The following NEK6 variants were observed in gnomAD, a reference collection of about 807,000 sequenced individuals.
NEK6 encodes the protein serine/threonine-protein kinase Nek6.
Under a neutral mutation model 43.5 loss-of-function variants are expected in NEK6, and 27 were observed. The observed-to-expected ratio is 0.62, with a 90% CI of 0.46 to 0.86. The LOEUF (loss-of-function observed/expected upper bound fraction) is 0.86, where lower values mean the gene tolerates loss of function less well. Ranked by LOEUF, NEK6 falls within the 40% of genes least tolerant of loss-of-function variation. The probability of loss-of-function intolerance (pLI) is 0.00; values close to 1 mark genes in which losing one functional copy is unlikely to be tolerated. For synonymous variants in NEK6, 167 were observed against 164.1 expected (o/e 1.02, Z -0.14); for missense variants, 318 against 414.4 (o/e 0.77, Z 2.02).
chr9:124,340,585 G>A (rs1163181083), intron 8 of NEK6, among the ~76,000 whole-genome samples: 1 of 152,244 alleles, frequency 6.6e-6, no homozygotes, highest in Non-Finnish European at 1.5e-5. Context: ...AACCCCCCCA[G>A]GCTGTTAGAC....
intron 1 of NEK6, among the ~76,000 whole-genome samples, chr9:124,283,352 A>T (rs549824284): frequency 4.6e-5 from 7 of 152,214 alleles, no homozygotes; most frequent in African/African-American, 1.7e-4. Context: ...AGGAGAATCT[A>T]TAGGCATTTC....
intron 4 of NEK6, among the ~76,000 whole-genome samples, chr9:124,316,123 C>T (rs73666860): frequency 0.015 from 2,332 of 152,316 alleles, 54 homozygotes; most frequent in African/African-American, 0.052. Flanking sequence ...TGCCAGGGCA[C>T]GAGGTGCTTC....
At chr9:124,263,368 C>T (rs896123234) in intron 1 of NEK6, among the ~76,000 whole-genome samples, 5 of 152,194 alleles carry the variant, frequency 3.3e-5, no homozygotes, top group South Asian at 2.1e-4. Flanking sequence ...GAGCCTGAGC[C>T]TGGGCACCCG....
intron 7 of NEK6, among the ~76,000 whole-genome samples, chr9:124,329,954 A>G (rs746316469): frequency 2.0e-5 from 3 of 152,218 alleles, no homozygotes; most frequent in African/African-American, 4.8e-5. Flanking sequence ...ATGTGCACCT[A>G]CTATGTGGGG....
intron 1 of NEK6, among the ~76,000 whole-genome samples, chr9:124,296,414 G>T (rs1832691652): frequency 6.6e-6 from 1 of 152,140 alleles, no homozygotes; most frequent in African/African-American, 2.4e-5. Context: ...GCCAGGAGTG[G>T]GTTCTCCCTG....
chr9:124,316,578 C>T (rs1263519553), intron 4 of NEK6, among the ~76,000 whole-genome samples: 1 of 152,190 alleles, frequency 6.6e-6, no homozygotes, highest in Non-Finnish European at 1.5e-5. Flanking sequence ...CTTCCAGACC[C>T]ACCTGGGCCC....
chr9:124,307,192 T>C (rs1833296749), intron 2 of NEK6, among the ~76,000 whole-genome samples: 1 of 151,960 alleles, frequency 6.6e-6, no homozygotes, highest in Non-Finnish European at 1.5e-5. Flanking sequence ...TAAACTCAAA[T>C]TAGCGCAGGG....
chr9:124,321,236 T>C (rs1834051603), intron 4 of NEK6, among the ~76,000 whole-genome samples: 1 of 152,242 alleles, frequency 6.6e-6, no homozygotes, highest in South Asian at 2.1e-4. Context: ...ATGCCAGTTT[T>C]ACAGATGAGG....
At chr9:124,289,663 T>C (rs1390870765) in intron 1 of NEK6, among the ~76,000 whole-genome samples, 1 of 152,166 alleles carries the variant, frequency 6.6e-6, no homozygotes, top group Non-Finnish European at 1.5e-5. Context: ...ACCGAAAAGA[T>C]CTGGTTTTCT....
chr9:124,338,717 T>A lies in NEK6; in HGVS notation c.623-854T>A, dbSNP rs865947038. 6.6e-5 allele frequency among the ~76,000 whole-genome samples: 10 copies of A among 152,286 alleles called. No individual in the cohort carries two copies. The South Asian group carries it at 1.2e-3, about 19-fold the overall frequency. On this transcript the variant is annotated intron_variant, in intron 7 of 9. Transcript: ENST00000320246. Reference sequence around the variant, plus strand: ...CCTGAGGGTCTGGGTTTGAACTAATTCCTGCCACTCTCGTGCAAACCTCTT... The same window carrying A: ...CCTGAGGGTCTGGGTTTGAACTAATACCTGCCACTCTCGTGCAAACCTCTT...
intron 1 of NEK6, among the ~76,000 whole-genome samples, chr9:124,287,866 C>T (rs947278119): frequency 6.6e-6 from 1 of 152,130 alleles, no homozygotes; most frequent in African/African-American, 2.4e-5. Context: ...GTCATTTCAC[C>T]CTCTGGAACC....
At chr9:124,335,791 A>C (rs1829261657) in intron 7 of NEK6, among the ~76,000 whole-genome samples, 1 of 152,266 alleles carries the variant, frequency 6.6e-6, no homozygotes, top group Non-Finnish European at 1.5e-5. Flanking sequence ...ACTGCGAGGT[A>C]GTTCTTCATC....
Position 124,257,981 on chromosome 9 carries a change from G to C in NEK6, c.-134G>C. The C allele has an allele frequency of 1.0e-6, 1 of 979,020 alleles. No individual in the cohort carries two copies. Among genetic ancestry groups the C allele is most frequent in the South Asian group, 4.7e-5 (1 of 21,276 alleles). The allele number at this position is 979,020 out of a possible 1,614,324, so 60.6% of individuals were successfully genotyped here. On this transcript the variant is annotated 5_prime_UTR_variant, in exon 1 of 10. Coordinates refer to ENST00000320246, the MANE Select transcript of NEK6 (RefSeq NM_014397.6). ...CGGCGGCGGCGGAACCGAGCTGACG[G>C]GCGTGCGGCCGCTGCGCCGCAAACT...
chr9:124,290,391 G>A (rs1372733410), intron 1 of NEK6, among the ~76,000 whole-genome samples: 2 of 152,242 alleles, frequency 1.3e-5, no homozygotes, highest in Non-Finnish European at 2.9e-5. Context: ...CGCCCCCAAG[G>A]GTGCTGGCAC....
intron 8 of NEK6, among the ~76,000 whole-genome samples, chr9:124,341,070 C>T (rs1031874426): frequency 6.6e-6 from 1 of 152,152 alleles, no homozygotes; most frequent in African/African-American, 2.4e-5. Flanking sequence ...GAGACAGAGT[C>T]TCACTCTTGT....
intron 1 of NEK6, among the ~76,000 whole-genome samples, chr9:124,269,065 G>A (rs1273957171): frequency 2.0e-5 from 3 of 152,184 alleles, no homozygotes; most frequent in Non-Finnish European, 4.4e-5. Flanking sequence ...GACAAAAACA[G>A]TGGCTGACAT....
chr9:124,312,705 T>C lies in NEK6; in HGVS notation c.231+56T>C, dbSNP rs530306907. The stretch of plus-strand genomic sequence containing the variant: ...CATCTCGGGAGGTGGTCTCTGCATC[T>C]GGACGGGGTGCCCGGGCCAGTCCCT... On this transcript the variant is annotated intron_variant, in intron 3 of 9. Coordinates refer to ENST00000320246, the MANE Select transcript of NEK6 (RefSeq NM_014397.6). 6.3e-4 allele frequency: 981 copies of C among 1,563,346 alleles called. 1 individual carries two copies. The highest frequency in any genetic ancestry group is 7.9e-4 in the Non-Finnish European group (911 of 1,147,696).
intron 1 of NEK6, among the ~76,000 whole-genome samples, chr9:124,279,767 T>A (rs959203241): frequency 6.6e-6 from 1 of 152,224 alleles, no homozygotes; most frequent in African/African-American, 2.4e-5. Context: ...CACCACCCAG[T>A]CACTCCCTGG....
rs1452156326 is a variant in NEK6, at chr9:124,292,965, G to A, written c.-29-8971G>A. On this transcript the variant is annotated intron_variant, in intron 1 of 9. Transcript: ENST00000320246. The stretch of plus-strand genomic sequence containing the variant: ...GATGCCCAGGAGAGAAGTTTGCTGG[G>A]AGGCAGCTCATTTCCGGCAGGAGGA... 1 of 1,575,752 alleles carries A rather than the reference G, an allele frequency of 6.3e-7. No individual in the cohort carries two copies. The highest frequency in any genetic ancestry group is 8.6e-7 in the Non-Finnish European group (1 of 1,160,792).
Sources: gnomAD v4.1 joint callset for allele counts (sites outside exome capture counted in the v4.1 genomes callset) on GRCh38, gnomAD v4.1.1 for gene constraint, MANE v1.5 for transcripts, NCBI Gene and HGNC (gene_info 2026-07-23, HGNC 2026-07-21) for gene names.